The following TPSD1 variants were observed in gnomAD, a reference collection of about 807,000 sequenced individuals.
The protein encoded by TPSD1 is tryptase delta 1, also known as tryptase delta.
Under a neutral mutation model 25.4 loss-of-function variants are expected in TPSD1, and 30 were observed. The ratio of observed to expected loss-of-function variants is 1.18; its 90% CI spans 0.88 to 1.60. The LOEUF (loss-of-function observed/expected upper bound fraction) is 1.60, where lower values mean the gene tolerates loss of function less well. Ranked by LOEUF, TPSD1 falls within the 40% of genes most tolerant of loss-of-function variation. The probability of loss-of-function intolerance (pLI) is 0.00; values close to 1 mark genes in which losing one functional copy is unlikely to be tolerated. For missense variants in TPSD1, 420 were observed against 324.2 expected, an observed-to-expected ratio of 1.30 and a Z score of -2.27; for synonymous variants, 176 against 149.4, an observed-to-expected ratio of 1.18 and a Z score of -1.30.
chr16:1,256,851 C>T lies in TPSD1; in HGVS notation c.309C>T (p.Tyr103=). The stretch of plus-strand genomic sequence containing the variant: ...TGCAACTGCGGGAGCAGCACCTCTA[C>T]TACCAGGACCAGCTGCTGCCGGTCA... ...LRVQLREQHL[Y]YQDQLLPVSR... Residue 103 remains tyrosine (Y), a synonymous_variant, in exon 3 of 5, where the codon TAC becomes TAT. Transcript: ENST00000211076. 2 of 1,613,366 alleles carry T rather than the reference C, an allele frequency of 1.2e-6. No homozygotes were observed. Among genetic ancestry groups the T allele is most frequent in the Non-Finnish European group, 1.7e-6 (2 of 1,180,014 alleles).
rs1039848587 is a variant in TPSD1, at chr16:1,258,932, TCC to T, written c.*559_*560del. 6.4e-5 allele frequency: 7 copies of T among 108,884 alleles called. No individual in the cohort carries two copies. The highest frequency in any genetic ancestry group is 2.6e-4 in the African/African-American group (7 of 26,426). The allele number at this position is 108,884 out of a possible 1,614,324, so 6.7% of individuals were successfully genotyped here. A position where few individuals can be genotyped will look rare whatever the true frequency, so the allele number is the denominator to read the frequency against. On this transcript the variant is annotated 3_prime_UTR_variant, in exon 5 of 5. Transcript: ENST00000211076. ...CCGCCCCTCCCGGCCCCTCCGGCCCTCCCCTGCCCAGGCAGCTGGTGGTGGAC... is the reference window on the plus strand; with the variant it reads ...CCGCCCCTCCCGGCCCCTCCGGCCCTCCTGCCCAGGCAGCTGGTGGTGGAC...
intron 3 of TPSD1, 124 bp downstream of exon 3, chr16:1,257,186 G>C (rs1324123313): frequency 2.2e-6 from 3 of 1,347,250 alleles, no homozygotes; most frequent in East Asian, 2.5e-5. Flanking sequence ...GGCCAGGATG[G>C]ATGGAGCAGG....
At position 1,256,860 on chromosome 16, in the gene TPSD1, C is replaced by G. The variant is rs2030982240; in HGVS notation, c.318C>G (p.Asp106Glu). Residue 106 changes from aspartate to glutamate, a missense_variant, in exon 3 of 5, where the codon GAC becomes GAG. Transcript: ENST00000211076. Reference sequence around the variant, plus strand: ...GGGAGCAGCACCTCTACTACCAGGACCAGCTGCTGCCGGTCAGCAGGATCA... The same window carrying G: ...GGGAGCAGCACCTCTACTACCAGGAGCAGCTGCTGCCGGTCAGCAGGATCA... ...QLREQHLYYQ[D>E]QLLPVSRIIV... is the part of the protein sequence containing the mutation. The G allele has an allele frequency of 6.2e-7, 1 of 1,613,432 alleles. No individual in the cohort carries two copies. Among genetic ancestry groups the G allele is most frequent in the Non-Finnish European group, 8.5e-7 (1 of 1,180,022 alleles).
chr16:1,258,154 GGCCACA>G lies in TPSD1; in HGVS notation c.619_624del (p.His207_Ser208del). The G allele has an allele frequency of 6.2e-7, 1 of 1,612,548 alleles. No homozygotes were observed. Among genetic ancestry groups the G allele is most frequent in the Middle Eastern group, 1.7e-4 (1 of 6,056 alleles). Reference sequence around the variant, plus strand: ...GGAATATCACACCGGCCTCCATACGGGCCACAGCTTTCAAATCGTCCGCGATGACAT... The same window carrying G: ...GGAATATCACACCGGCCTCCATACGGGCTTTCAAATCGTCCGCGATGACAT... On this transcript the variant is annotated inframe_deletion, in exon 4 of 5. Transcript: ENST00000211076.
In TPSD1 at chr16:1,256,693, T is replaced by A. The variant is rs1331868608; in HGVS notation, c.254+6T>A. On this transcript the variant is annotated splice_donor_region_variant and intron_variant, in intron 2 of 4. Transcript: ENST00000211076. ...GCGGCGCACTGCGTGGAACCGTGAG[T>A]CTCCTGGGGCCTGGAGGGGTGGGCA... 1 of 1,611,030 alleles carries A rather than the reference T, an allele frequency of 6.2e-7. No homozygotes were observed. Among genetic ancestry groups the A allele is most frequent in the South Asian group, 1.1e-5 (1 of 90,920 alleles).
At chr16:1,257,388 C>T in intron 3 of TPSD1, 1 of 434,668 alleles carries the variant, frequency 2.3e-6, no homozygotes, top group Non-Finnish European at 4.2e-6. Context: ...GGGGGTCTTG[C>T]TGGAAGGAGA....
rs773308788 is a variant in TPSD1 at position 1,258,414 on chromosome 16, C to A, written c.*38C>A. On this transcript the variant is annotated 3_prime_UTR_variant, in exon 5 of 5. Transcript: ENST00000211076. ...GTGGTCAGCTGGGAGGAGAGCTGTGCCCAGCCCAACCGGCCTGGCATCTAC... is the reference window on the plus strand; with the variant it reads ...GTGGTCAGCTGGGAGGAGAGCTGTGACCAGCCCAACCGGCCTGGCATCTAC... The A allele has an allele frequency of 6.2e-7, 1 of 1,613,362 alleles. No homozygotes were observed. Among genetic ancestry groups the A allele is most frequent in the African/African-American group, 1.3e-5 (1 of 74,726 alleles).
intron 3 of TPSD1, among the ~76,000 whole-genome samples, chr16:1,257,740 C>T (rs2141449112): frequency 1.3e-5 from 2 of 152,294 alleles, no homozygotes; most frequent in South Asian, 4.1e-4. Context: ...GGACCATGGG[C>T]CTAGCCCAGA....
Position 1,258,081 on chromosome 16 carries a change from G to C in TPSD1, c.543G>C (p.Pro181=). 4.4e-6 allele frequency: 7 copies of C among 1,593,844 alleles called. No individual in the cohort carries two copies. Among genetic ancestry groups the C allele is most frequent in the Non-Finnish European group, 6.0e-6 (7 of 1,170,898 alleles). The change falls in exon 4 of 5, where the codon CCG becomes CCC. Residue 181 remains proline (P), a synonymous_variant. Coordinates refer to ENST00000211076, the MANE Select transcript of TPSD1 (RefSeq NM_012217.3). The part of the protein sequence containing the change: ...DNNVHLPPPY[P]LKEVEVPVVE... Reference sequence around the variant, plus strand: ...CAGTGCACCTGCCGCCGCCATACCCGCTGAAGGAGGTGGAAGTCCCCGTAG... The same window carrying C: ...CAGTGCACCTGCCGCCGCCATACCCCCTGAAGGAGGTGGAAGTCCCCGTAG...
rs2031028499 is a variant in TPSD1, at chr16:1,258,545, G to A, written c.*169G>A. Reference sequence around the variant, plus strand: ...GGTCACTGGAGGGCCAGCCCCTCCTGTCCAAACCACCACTGCTTCCTACCC... The same window carrying A: ...GGTCACTGGAGGGCCAGCCCCTCCTATCCAAACCACCACTGCTTCCTACCC... On this transcript the variant is annotated 3_prime_UTR_variant, in exon 5 of 5. Transcript: ENST00000211076. 3.8e-6 allele frequency: 6 copies of A among 1,587,188 alleles called. No individual in the cohort carries two copies. The highest frequency in any genetic ancestry group is 1.7e-5 in the Admixed American group (1 of 58,340).
Position 1,258,690 on chromosome 16 carries a change from CCCCACCCTGAGCCCCTTCCCCTTTCT to C in TPSD1, c.*315_*340del, listed in dbSNP as rs2141449850. The C allele has an allele frequency of 1.3e-5, 6 of 472,924 alleles. 3 individuals carry two copies. Among genetic ancestry groups the C allele is most frequent in the South Asian group, 4.6e-5 (2 of 43,690 alleles). The allele number at this position is 472,924 out of a possible 1,614,324, so 29.3% of individuals were successfully genotyped here. The stretch of plus-strand genomic sequence containing the variant: ...TCCCCTCCCCCATCCTGAGCCCCTC[CCCCACCCTGAGCCCCTTCCCCTTTCT>C]TGAGCCCCCTCCCCCACCCTGAGCC... On this transcript the variant is annotated 3_prime_UTR_variant, in exon 5 of 5. Transcript: ENST00000211076.
chr16:1,257,222 T>G, intron 3 of TPSD1, 160 bp downstream of exon 3: 1 of 1,058,514 alleles, frequency 9.4e-7, no homozygotes, highest in Non-Finnish European at 1.3e-6. Context: ...GCAGGTGCCC[T>G]GAGCAGAGAC....
intron 3 of TPSD1, 132 bp from the exon 4 acceptor site, chr16:1,257,927 C>T: frequency 1.0e-6 from 1 of 1,000,406 alleles, no homozygotes; most frequent in South Asian, 1.6e-5. Context: ...ACCGCCCCTT[C>T]CCCGGGGCTG....
chr16:1,257,904 C>T (rs1338127276), intron 3 of TPSD1, 155 bp from the exon 4 acceptor site: 2 of 797,560 alleles, frequency 2.5e-6, no homozygotes, highest in African/African-American at 3.5e-5. Flanking sequence ...GCGGAGGGGC[C>T]TGGACTGCAT....
Position 1,256,544 on chromosome 16 carries a change from C to G in TPSD1, c.111C>G (p.Gly37=), listed in dbSNP as rs1064772. ...PAPGQALQQT[G]IVGGQEAPRS... ...CAGGCCAGGCCCTGCAGCAAACGGG[C>G]ATTGTTGGGGGGCAGGAGGCCCCCA... The change falls in exon 2 of 5, where the codon GGC becomes GGG. Residue 37 remains glycine (G), a synonymous_variant. Transcript: ENST00000211076. 1 of 1,591,460 alleles carries G rather than the reference C, an allele frequency of 6.3e-7. No homozygotes were observed. The highest frequency in any genetic ancestry group is 1.8e-5 in the Admixed American group (1 of 56,702).
chr16:1,257,492 G>T, intron 3 of TPSD1: 1 of 260,552 alleles, frequency 3.8e-6, no homozygotes, highest in Non-Finnish European at 7.3e-6. Flanking sequence ...AGTGCTGTGG[G>T]GGGCTGGACG....
chr16:1,256,207 C>T lies in TPSD1; in HGVS notation c.-74C>T. On this transcript the variant is annotated 5_prime_UTR_variant, in exon 1 of 5. Coordinates refer to ENST00000211076, the MANE Select transcript of TPSD1 (RefSeq NM_012217.3). ...CAGGCCTGGACCCACCCCGGTCCCC[C>T]CGTCCCAGCTCCATTCTTCACCCCA... 1 of 1,606,004 alleles carries T rather than the reference C, an allele frequency of 6.2e-7. No individual in the cohort carries two copies. The highest frequency in any genetic ancestry group is 1.1e-5 in the South Asian group (1 of 90,406).
chr16:1,256,594 G>T lies in TPSD1; in HGVS notation c.161G>T (p.Ser54Ile). The T allele has an allele frequency of 6.2e-7, 1 of 1,612,814 alleles. No individual in the cohort carries two copies. The highest frequency in any genetic ancestry group is 1.7e-4 in the Middle Eastern group (1 of 5,720). Residue 54 changes from serine to isoleucine, a missense_variant, in exon 2 of 5, where the codon AGC becomes ATC. Coordinates refer to ENST00000211076, the MANE Select transcript of TPSD1 (RefSeq NM_012217.3). ...APRSKWPWQV[S>I]LRVRGPYWMH... The stretch of plus-strand genomic sequence containing the variant: ...AGGAGCAAGTGGCCCTGGCAGGTGA[G>T]CCTGAGAGTCCGCGGCCCATACTGG...
rs1800984 is a variant in TPSD1 at position 1,256,354 on chromosome 16, T to C, written c.74T>C (p.Val25Ala). The change falls in exon 1 of 5, where the codon GTG (valine) becomes GCG (alanine). Residue 25 changes from valine (V) to alanine (A), a missense_variant. Coordinates refer to ENST00000211076, the MANE Select transcript of TPSD1 (RefSeq NM_012217.3). ...CCCGTCCTGGCGAGCCCGGCCTACG[T>C]GGCCCCTGGTGAGTCCCAGCCGGGG... is the stretch of plus-strand genomic sequence containing the variant. ...ALPVLASPAY[V>A]APAPGQALQQ... The C allele has an allele frequency of 0.56, 881,353 of 1,565,578 alleles. 248,994 individuals are homozygous for C. Among genetic ancestry groups the C allele is most frequent in the East Asian group, 0.98 (43,718 of 44,824 alleles).
Sources: allele counts gnomAD v4.1 joint callset (sites outside exome capture counted in the v4.1 genomes callset), GRCh38; gene constraint gnomAD v4.1.1; transcripts MANE v1.5; gene names NCBI Gene and HGNC (gene_info 2026-07-23, HGNC 2026-07-21).